PLPPR1: variants seen among roughly 807,000 people sequenced by gnomAD.
PLPPR1 encodes phospholipid phosphatase-related protein type 1.
PLPPR1 carries 10 observed loss-of-function variants against 33.1 expected under a neutral mutation model. The observed-to-expected ratio is 0.30, with a 90% confidence interval of 0.19 to 0.51. The LOEUF (loss-of-function observed/expected upper bound fraction) is 0.51. Among genes scored for constraint, PLPPR1 ranks in the 20% least tolerant of loss-of-function variants. The pLI, the probability that PLPPR1 is intolerant of heterozygous loss-of-function variation, is 0.97. For missense variants in PLPPR1, 304 were observed against 408.1 expected (o/e 0.74, Z 2.20); for synonymous variants, 151 against 151.0 (o/e 1.00, Z 0.00).
intron 2 of PLPPR1, among the ~76,000 whole-genome samples, chr9:101,220,794 G>A (rs1026224108): frequency 6.6e-6 from 1 of 152,128 alleles, no homozygotes; most frequent in Non-Finnish European, 1.5e-5. Flanking sequence ...CTGAACCAAC[G>A]GTTGCAGCTA....
chr9:101,311,283 A>T (rs1410964066), intron 5 of PLPPR1, among the ~76,000 whole-genome samples: 2 of 152,240 alleles, frequency 1.3e-5, no homozygotes, highest in Non-Finnish European at 2.9e-5. Flanking sequence ...TCAAGGATTC[A>T]GATGTTATCC....
intron 1 of PLPPR1, among the ~76,000 whole-genome samples, chr9:101,094,318 CT>C (rs1297453660): frequency 6.6e-6 from 1 of 152,062 alleles, no homozygotes; most frequent in African/African-American, 2.4e-5. Context: ...TTTCATTTCC[CT>C]GATTGTATTA....
chr9:101,104,617 G>A (rs1487133093), intron 1 of PLPPR1, among the ~76,000 whole-genome samples: 2 of 114,968 alleles, frequency 1.7e-5, no homozygotes, highest in African/African-American at 7.4e-5. Context: ...CTCTTTTTTG[G>A]TTGTGTCTCT....
intron 2 of PLPPR1, among the ~76,000 whole-genome samples, chr9:101,262,252 T>G (rs1238847659): frequency 1.3e-5 from 2 of 152,156 alleles, no homozygotes; most frequent in Admixed American, 1.3e-4. Flanking sequence ...ATTAACCCAG[T>G]TTTTCAAATG....
chr9:101,293,916 A>G (rs1255181366), intron 4 of PLPPR1, among the ~76,000 whole-genome samples: 1 of 151,820 alleles, frequency 6.6e-6, no homozygotes, highest in East Asian at 1.9e-4. Flanking sequence ...GAGCAAACAC[A>G]TTCAAAAGCT....
At chr9:101,206,321 A>T (rs946943407) in intron 2 of PLPPR1, among the ~76,000 whole-genome samples, 2 of 152,244 alleles carry the variant, frequency 1.3e-5, no homozygotes, top group South Asian at 2.1e-4. Context: ...TTCCAGGTTC[A>T]TACTCTCAAC....
chr9:101,311,997 A>T (rs1828967582), intron 5 of PLPPR1, among the ~76,000 whole-genome samples: 1 of 152,206 alleles, frequency 6.6e-6, no homozygotes, highest in Non-Finnish European at 1.5e-5. Flanking sequence ...AAAACGTCAG[A>T]GTCTTACCCA....
At chr9:101,129,737 A>C (rs1308013321) in intron 1 of PLPPR1, among the ~76,000 whole-genome samples, 1 of 152,190 alleles carries the variant, frequency 6.6e-6, no homozygotes, top group Non-Finnish European at 1.5e-5. Context: ...AGGCTGAGGC[A>C]GGCGAATGGT....
chr9:101,173,613 G>T (rs1825977720), intron 1 of PLPPR1, among the ~76,000 whole-genome samples: 1 of 152,080 alleles, frequency 6.6e-6, no homozygotes, highest in Non-Finnish European at 1.5e-5. Context: ...GAATATGGTT[G>T]TCCCCTTGGC....
intron 1 of PLPPR1, among the ~76,000 whole-genome samples, chr9:101,158,040 A>T (rs1469289852): frequency 6.6e-6 from 1 of 152,052 alleles, no homozygotes; most frequent in Non-Finnish European, 1.5e-5. Flanking sequence ...TAAAATAAAT[A>T]AAAAAACAAG....
At chr9:101,206,794 A>G (rs2915424) in intron 2 of PLPPR1, among the ~76,000 whole-genome samples, 140,325 of 152,144 alleles carry the variant, frequency 0.92, 64,796 homozygotes, top group East Asian at 0.97. Context: ...ATTCCTCCAG[A>G]ACTCAGAGCT....
At chr9:101,183,166 A>G (rs1410268331) in intron 1 of PLPPR1, among the ~76,000 whole-genome samples, 3 of 151,810 alleles carry the variant, frequency 2.0e-5, no homozygotes, top group South Asian at 2.1e-4. Flanking sequence ...AAATGAAAAT[A>G]TAAATCCACA....
chr9:101,072,643 G>C (rs1245380412), intron 1 of PLPPR1, among the ~76,000 whole-genome samples: 1 of 152,178 alleles, frequency 6.6e-6, no homozygotes, highest in Non-Finnish European at 1.5e-5. Context: ...AATTGCTATT[G>C]ATTGGGCATG....
rs1204069043 is a variant in PLPPR1, at chr9:101,309,391, T to C, written c.566T>C (p.Ile189Thr). ...ATTTGTACTGGGGACCTGGAAGTGATAGAAAAGGCTCGGAGATCCTTTCCC... is the reference window on the plus strand; with the variant it reads ...ATTTGTACTGGGGACCTGGAAGTGACAGAAAAGGCTCGGAGATCCTTTCCC... ...GNICTGDLEV[I>T]EKARRSFPSK... Residue 189 changes from isoleucine to threonine, a missense_variant, in exon 5 of 8, where the codon ATA (isoleucine) becomes ACA (threonine). Coordinates refer to ENST00000374874, the MANE Select transcript of PLPPR1 (RefSeq NM_207299.2). 3.7e-6 allele frequency: 6 copies of C among 1,613,982 alleles called. No homozygotes were observed. Among genetic ancestry groups the C allele is most frequent in the African/African-American group, 1.3e-5 (1 of 74,886 alleles).
At chr9:101,178,586 AG>A (rs1564166955) in intron 1 of PLPPR1, among the ~76,000 whole-genome samples, 1 of 152,204 alleles carries the variant, frequency 6.6e-6, no homozygotes, top group Non-Finnish European at 1.5e-5. Context: ...GAAGTGCAGC[AG>A]TGGGCTCATG....
intron 4 of PLPPR1, among the ~76,000 whole-genome samples, chr9:101,286,476 C>G (rs1012684905): frequency 6.6e-6 from 1 of 152,010 alleles, no homozygotes; most frequent in East Asian, 1.9e-4. Flanking sequence ...TTCCCCTGGA[C>G]GTATGTTTTA....
intron 4 of PLPPR1, among the ~76,000 whole-genome samples, chr9:101,299,709 CA>C (rs1319185797): frequency 2.6e-5 from 4 of 152,200 alleles, no homozygotes; most frequent in African/African-American, 9.7e-5. Flanking sequence ...TAGCACTTTG[CA>C]GGTTAGACAA....
At chr9:101,034,300 C>A in intron 1 of PLPPR1, among the ~76,000 whole-genome samples, 1 of 152,098 alleles carries the variant, frequency 6.6e-6, no homozygotes, top group East Asian at 1.9e-4. Context: ...ACAGATACAG[C>A]AGATGCTCTT....
At position 101,249,446 on chromosome 9, in the gene PLPPR1, A is replaced by G. The variant is rs1827676417; in HGVS notation, c.64-20434A>G. Among the ~76,000 whole-genome samples the G allele has an allele frequency of 2.6e-5, 4 of 152,240 alleles. No individual in the cohort carries two copies. In the South Asian group the frequency reaches 6.2e-4, roughly 24 times the overall value. On this transcript the variant is annotated intron_variant, in intron 2 of 7. Transcript: ENST00000374874. ...ATTGGTAATGACTGTCTGGAGTACCATGTGGAAAAGATCAACAGGAAAGAG... is the reference window on the plus strand; with the variant it reads ...ATTGGTAATGACTGTCTGGAGTACCGTGTGGAAAAGATCAACAGGAAAGAG...
Sources: gnomAD v4.1 joint callset for allele counts (sites outside exome capture counted in the v4.1 genomes callset) on GRCh38, gnomAD v4.1.1 for gene constraint, MANE v1.5 for transcripts, NCBI Gene and HGNC (gene_info 2026-07-23, HGNC 2026-07-21) for gene names.